CAPN14: variants seen among roughly 807,000 people sequenced by gnomAD.
CAPN14 encodes the protein calpain 14, also known as calpain-14.
CAPN14 carries 94 observed loss-of-function variants against 101.3 expected under a neutral mutation model. The observed-to-expected ratio is 0.93, with a 90% CI of 0.79 to 1.10. The LOEUF (loss-of-function observed/expected upper bound fraction) is 1.10. Among genes scored for constraint, CAPN14 ranks in the 50% least tolerant of loss-of-function variants. CAPN14 has a pLI of 0.00. For missense variants in CAPN14, 837 were observed against 828.4 expected (o/e 1.01, Z -0.13); for synonymous variants, 338 against 317.9 (o/e 1.06, Z -0.67).
rs1319074930 is a variant in CAPN14, at chr2:31,204,075, G to GTA, written c.226-938_226-937dup. On this transcript the variant is annotated intron_variant, in intron 2 of 21. Transcript: ENST00000403897. Reference sequence around the variant, plus strand: ...TTAAAATTTATCTCTCTGGCAGATGGTATTGGCTGTGACTCAGGAAGCCTT... The same window carrying GTA: ...TTAAAATTTATCTCTCTGGCAGATGGTATATTGGCTGTGACTCAGGAAGCCTT... Among the ~76,000 whole-genome samples the GTA allele has an allele frequency of 3.9e-5, 6 of 152,312 alleles. No individual in the cohort carries two copies. In the South Asian group the frequency reaches 8.3e-4, roughly 21 times the overall value.
At chr2:31,231,514 T>C (rs1683191161) in intron 1 of CAPN14, among the ~76,000 whole-genome samples, 1 of 152,248 alleles carries the variant, frequency 6.6e-6, no homozygotes, top group African/African-American at 2.4e-5. Flanking sequence ...TTGAATATTA[T>C]CTTTCATGAC....
intron 10 of CAPN14, among the ~76,000 whole-genome samples, chr2:31,192,710 T>C (rs763756796): frequency 1.3e-4 from 20 of 152,124 alleles, no homozygotes; most frequent in Non-Finnish European, 2.4e-4. Flanking sequence ...TCTCCCAGGC[T>C]CCAGGTGAGA....
chr2:31,212,182 C>T (rs556084416), intron 1 of CAPN14, among the ~76,000 whole-genome samples: 73 of 152,022 alleles, frequency 4.8e-4, no homozygotes, highest in African/African-American at 1.6e-3. Context: ...CTGTGGTGGG[C>T]GCCCGTAATC....
At chr2:31,196,088 T>C (rs1681457962) in intron 8 of CAPN14, among the ~76,000 whole-genome samples, 1 of 152,222 alleles carries the variant, frequency 6.6e-6, no homozygotes, top group Admixed American at 6.5e-5. Flanking sequence ...AAATGGAAGA[T>C]AATCTCAAGT....
chr2:31,181,387 T>G (rs1329429066), intron 16 of CAPN14, among the ~76,000 whole-genome samples: 1 of 91,484 alleles, frequency 1.1e-5, no homozygotes, highest in Non-Finnish European at 2.1e-5. Flanking sequence ...CTTTTCTTTT[T>G]TTCTTTCTTT....
upstream of CAPN14, among the ~76,000 whole-genome samples, chr2:31,218,506 T>C (rs1338723721): frequency 1.3e-5 from 2 of 152,200 alleles, no homozygotes; most frequent in Non-Finnish European, 1.5e-5. Context: ...TTTGTGTGAT[T>C]ATCACTCCAC....
At chr2:31,182,770 T>G (rs1680709404) in intron 16 of CAPN14, among the ~76,000 whole-genome samples, 1 of 151,450 alleles carries the variant, frequency 6.6e-6, no homozygotes, top group South Asian at 2.1e-4. Context: ...CTAAGGCAAT[T>G]TATAGATTCA....
chr2:31,187,166 G>A (rs766965018), intron 15 of CAPN14, among the ~76,000 whole-genome samples: 3 of 151,954 alleles, frequency 2.0e-5, no homozygotes, highest in African/African-American at 4.8e-5. Context: ...TATGTTTCTC[G>A]CCCTGTTCCT....
chr2:31,231,679 C>T (rs605832), intron 1 of CAPN14, among the ~76,000 whole-genome samples: 85,681 of 152,014 alleles, frequency 0.56, 26,753 homozygotes, highest in African/African-American at 0.83. Flanking sequence ...ATGGCATGGC[C>T]GTACTGATTA....
intron 17 of CAPN14, among the ~76,000 whole-genome samples, chr2:31,178,993 T>C (rs911332638): frequency 2.7e-5 from 4 of 150,904 alleles, no homozygotes; most frequent in African/African-American, 9.7e-5. Flanking sequence ...AAATTAAATA[T>C]GACATATCCC....
chr2:31,203,852 T>C (rs1274269432), intron 2 of CAPN14, among the ~76,000 whole-genome samples: 3 of 152,216 alleles, frequency 2.0e-5, no homozygotes, highest in Admixed American at 6.5e-5. Flanking sequence ...CTTTACCCTG[T>C]TCACTAGCTG....
chr2:31,198,376 A>G (rs1185056829), intron 7 of CAPN14, among the ~76,000 whole-genome samples: 1 of 152,192 alleles, frequency 6.6e-6, no homozygotes, highest in Non-Finnish European at 1.5e-5. Context: ...CCTTGGGCAC[A>G]TGTAGTCAGG....
chr2:31,177,858 C>T, intron 18 of CAPN14, 37 bp from the exon 19 acceptor site: 2 of 1,471,330 alleles, frequency 1.4e-6, no homozygotes, highest in East Asian at 2.5e-5. Flanking sequence ...GGAAGCCAGG[C>T]ATTTCCAAGC....
chr2:31,199,935 C>T (rs1681665521), intron 6 of CAPN14, among the ~76,000 whole-genome samples: 2 of 152,198 alleles, frequency 1.3e-5, no homozygotes, highest in African/African-American at 4.8e-5. Flanking sequence ...TAGCTTCCTT[C>T]TCTGCACATC....
At position 31,174,574 on chromosome 2, in the gene CAPN14, C is replaced by G; in HGVS notation, c.*107G>C. On this transcript the variant is annotated 3_prime_UTR_variant, in exon 22 of 22. Coordinates refer to ENST00000403897, the MANE Select transcript of CAPN14 (RefSeq NM_001145122.2). ...GCTGAGAAGGTGACGGCTAGTGAGGCTGTCCTGAAGATCAGTAAGTAGGGT... is the reference window on the plus strand; with the variant it reads ...GCTGAGAAGGTGACGGCTAGTGAGGGTGTCCTGAAGATCAGTAAGTAGGGT... 1 of 1,194,410 alleles carries G rather than the reference C, an allele frequency of 8.4e-7. No homozygotes were observed. The highest frequency in any genetic ancestry group is 1.2e-6 in the Non-Finnish European group (1 of 829,394). The allele number at this position is 1,194,410 out of a possible 1,614,324, so 74.0% of individuals were successfully genotyped here.
intron 7 of CAPN14, among the ~76,000 whole-genome samples, chr2:31,197,934 C>G (rs975775108): frequency 8.5e-5 from 13 of 152,192 alleles, no homozygotes; most frequent in Admixed American, 5.9e-4. Context: ...GACTTCAGGC[C>G]TTCGGAACTG....
At chr2:31,174,889 C>T (rs1253509663) in intron 21 of CAPN14, among the ~76,000 whole-genome samples, 182 bp from the exon 22 acceptor site, 4 of 152,190 alleles carry the variant, frequency 2.6e-5, no homozygotes, top group South Asian at 2.1e-4. Flanking sequence ...TGACTTCTCA[C>T]GGTGCCTATG....
intron 1 of CAPN14, among the ~76,000 whole-genome samples, chr2:31,209,829 T>G (rs903564910): frequency 6.6e-6 from 1 of 152,114 alleles, no homozygotes; most frequent in African/African-American, 2.4e-5. Context: ...CATGGGAGTG[T>G]CCATACCATG....
At chr2:31,181,433 T>TC (rs1491418750) in intron 16 of CAPN14, among the ~76,000 whole-genome samples, 1 of 147,310 alleles carries the variant, frequency 6.8e-6, no homozygotes, top group Admixed American at 6.7e-5. Flanking sequence ...TTTCTTTCTT[T>TC]CTTTCTTTCT....
Sources: allele counts gnomAD v4.1 joint callset (sites outside exome capture counted in the v4.1 genomes callset), GRCh38; gene constraint gnomAD v4.1.1; transcripts MANE v1.5; gene names NCBI Gene and HGNC (gene_info 2026-07-23, HGNC 2026-07-21).